The following MEGF11 variants were observed in gnomAD, a reference collection of about 807,000 sequenced individuals.
MEGF11 encodes multiple EGF like domains 11.
A neutral mutation model predicts 146.6 loss-of-function variants in MEGF11; 126 were observed. That is an observed-to-expected ratio of 0.86 (90% CI 0.74 to 1.00). MEGF11 has a LOEUF of 1.00. Ranked by LOEUF, MEGF11 falls within the 50% of genes least tolerant of loss-of-function variation. The probability of loss-of-function intolerance (pLI) is 0.00; values close to 1 mark genes in which losing one functional copy is unlikely to be tolerated. For missense variants in MEGF11, 1,509 were observed against 1,521.2 expected, an observed-to-expected ratio of 0.99 and a Z score of 0.13; for synonymous variants, 532 against 583.4, an observed-to-expected ratio of 0.91 and a Z score of 1.27.
At chr15:65,919,440 CAA>C (rs1018311025) in intron 15 of MEGF11, among the ~76,000 whole-genome samples, 2 of 152,062 alleles carry the variant, frequency 1.3e-5, no homozygotes, top group Non-Finnish European at 2.9e-5. Context: ...CCAGAGCATA[CAA>C]AAGTTATGTT....
chr15:66,020,034 G>C (rs2083052335), intron 5 of MEGF11, among the ~76,000 whole-genome samples: 1 of 152,216 alleles, frequency 6.6e-6, no homozygotes, highest in African/African-American at 2.4e-5. Flanking sequence ...ATAACGGGCA[G>C]CTGTTGTTTT....
intron 24 of MEGF11, among the ~76,000 whole-genome samples, chr15:65,899,603 A>C (rs1433953192): frequency 6.6e-6 from 1 of 152,202 alleles, no homozygotes; most frequent in Non-Finnish European, 1.5e-5. Context: ...TATAAGTGGC[A>C]GACTCTTAGC....
At chr15:65,943,385 T>G (rs1201646103) in intron 10 of MEGF11, among the ~76,000 whole-genome samples, 4 of 152,186 alleles carry the variant, frequency 2.6e-5, no homozygotes, top group Admixed American at 1.3e-4. Flanking sequence ...AGTATGTATG[T>G]GGACCATGGA....
intron 5 of MEGF11, among the ~76,000 whole-genome samples, chr15:66,049,843 T>C (rs2140342165): frequency 6.6e-6 from 1 of 152,342 alleles, no homozygotes; most frequent in Admixed American, 6.5e-5. Flanking sequence ...CTCCCAGAGC[T>C]GATGGCGACT....
chr15:66,123,797 G>C, intron 3 of MEGF11, 102 bp downstream of exon 3: 2 of 900,862 alleles, frequency 2.2e-6, no homozygotes, highest in East Asian at 2.4e-5. Flanking sequence ...GTGGAGGCGC[G>C]TGACAACATC....
At chr15:66,178,628 C>T (rs1402372078) in intron 1 of MEGF11, among the ~76,000 whole-genome samples, 3 of 152,284 alleles carry the variant, frequency 2.0e-5, no homozygotes, top group East Asian at 1.9e-4. Flanking sequence ...TAAGGAAGCC[C>T]GCACTCTCAG....
chr15:65,946,481 C>T (rs2141410086), intron 10 of MEGF11, among the ~76,000 whole-genome samples: 1 of 152,222 alleles, frequency 6.6e-6, no homozygotes, highest in East Asian at 1.9e-4. Context: ...TCTCGGCTCA[C>T]TGCAAGATTC....
chr15:66,059,601 C>T (rs148681505), intron 5 of MEGF11, among the ~76,000 whole-genome samples: 1 of 152,096 alleles, frequency 6.6e-6, no homozygotes, highest in African/African-American at 2.4e-5. Flanking sequence ...AGAGACCCCC[C>T]ACAGCGCTAG....
intron 5 of MEGF11, among the ~76,000 whole-genome samples, chr15:66,031,932 G>A (rs1270495987): frequency 6.6e-6 from 1 of 152,212 alleles, no homozygotes; most frequent in African/African-American, 2.4e-5. Context: ...CAGGAGGTGA[G>A]CAGCAGGTGA....
At chr15:66,179,615 G>A (rs1200024355) in intron 1 of MEGF11, among the ~76,000 whole-genome samples, 1 of 152,144 alleles carries the variant, frequency 6.6e-6, no homozygotes, top group East Asian at 1.9e-4. Context: ...CGAGAATGTA[G>A]AGAGTGCAAC....
At chr15:66,066,518 C>T (rs192019836) in intron 5 of MEGF11, among the ~76,000 whole-genome samples, 9 of 152,338 alleles carry the variant, frequency 5.9e-5, no homozygotes, top group East Asian at 3.9e-4. Flanking sequence ...ACATTATAAC[C>T]GAGCACCAAG....
intron 5 of MEGF11, among the ~76,000 whole-genome samples, chr15:66,051,308 G>A (rs1196616375): frequency 1.3e-5 from 2 of 152,104 alleles, no homozygotes; most frequent in Non-Finnish European, 2.9e-5. Context: ...GGAGAGTCCT[G>A]GGTCTCATTG....
chr15:66,104,064 G>A (rs1361046653), intron 4 of MEGF11, among the ~76,000 whole-genome samples: 1 of 152,232 alleles, frequency 6.6e-6, no homozygotes, highest in Non-Finnish European at 1.5e-5. Flanking sequence ...GTCACTGTAA[G>A]GATAAAATTA....
chr15:65,973,560 C>T (rs182458248), intron 7 of MEGF11, among the ~76,000 whole-genome samples: 95 of 152,272 alleles, frequency 6.2e-4, no homozygotes, highest in African/African-American at 2.1e-3. Flanking sequence ...TTCAAGGCTG[C>T]AGTGAGCTAT....
chr15:66,012,810 C>T (rs1039606574), intron 5 of MEGF11, among the ~76,000 whole-genome samples: 1 of 152,206 alleles, frequency 6.6e-6, no homozygotes, highest in Non-Finnish European at 1.5e-5. Context: ...CAGCGCTTCC[C>T]CTAGGAGCCC....
intron 8 of MEGF11, among the ~76,000 whole-genome samples, chr15:65,968,801 C>T (rs1295325012): frequency 1.3e-5 from 2 of 152,192 alleles, no homozygotes; most frequent in African/African-American, 4.8e-5. Flanking sequence ...ACAAAATGAG[C>T]TGCAAAGCCC....
intron 4 of MEGF11, among the ~76,000 whole-genome samples, chr15:66,106,494 C>T (rs1270691524): frequency 2.0e-5 from 3 of 152,112 alleles, no homozygotes; most frequent in Non-Finnish European, 4.4e-5. Context: ...CTTTACATAC[C>T]GTCACTTACT....
At chr15:66,079,341 C>A (rs1266746880) in intron 5 of MEGF11, among the ~76,000 whole-genome samples, 1 of 152,050 alleles carries the variant, frequency 6.6e-6, no homozygotes, top group African/African-American at 2.4e-5. Context: ...GGGGATGGCA[C>A]CAGGTTCAAG....
chr15:65,981,745 G>T (rs1477668809), intron 6 of MEGF11, among the ~76,000 whole-genome samples: 2 of 152,142 alleles, frequency 1.3e-5, no homozygotes, highest in South Asian at 4.1e-4. Flanking sequence ...GAGAAAGTAG[G>T]GGAGAGGAAC....
Sources: gnomAD v4.1 joint callset for allele counts (sites outside exome capture counted in the v4.1 genomes callset) on GRCh38, gnomAD v4.1.1 for gene constraint, MANE v1.5 for transcripts, NCBI Gene and HGNC (gene_info 2026-07-23, HGNC 2026-07-21) for gene names.